Variants in NT5DC1 observed in about 807,000 individuals in gnomAD.
NT5DC1 encodes the protein 5'-nucleotidase domain-containing protein 1.
Under a neutral mutation model 59.4 loss-of-function variants are expected in NT5DC1, and 42 were observed. That is an observed-to-expected ratio of 0.71 (90% CI 0.55 to 0.92). The LOEUF (loss-of-function observed/expected upper bound fraction) is 0.92, where lower values mean the gene tolerates loss of function less well. NT5DC1 is among the 40% of genes least tolerant of loss of function. The pLI, the probability that NT5DC1 is intolerant of heterozygous loss-of-function variation, is 0.00. For synonymous variants in NT5DC1, 172 were observed against 188.1 expected (o/e 0.91, Z 0.70); for missense variants, 501 against 537.1 (o/e 0.93, Z 0.66).
intron 6 of NT5DC1, chr6:116,120,534 C>T (rs767597666): frequency 1.2e-6 from 2 of 1,613,980 alleles, no homozygotes; most frequent in Non-Finnish European, 1.7e-6. Flanking sequence ...CTTTGGCCTG[C>T]CTTTATAAAA....
intron 6 of NT5DC1, among the ~76,000 whole-genome samples, chr6:116,162,658 C>G (rs1780362482): frequency 6.6e-6 from 1 of 152,080 alleles, no homozygotes; most frequent in Non-Finnish European, 1.5e-5. Context: ...TTTTGATGTG[C>G]TGTTGGATTC....
Position 116,238,280 on chromosome 6 carries a change from G to A in NT5DC1, c.1015G>A (p.Gly339Arg), listed in dbSNP as rs1253697804. Residue 339 changes from glycine to arginine, a missense_variant, in exon 10 of 12, where the codon GGG becomes AGG. Physicochemically the swap from Gly to Arg is moderately radical, Grantham distance 125. Transcript: ENST00000319550. Reference sequence around the variant, plus strand: ...AGTCCTCATCCTGGAAGAACTCAGAGGGGATGAAGGCACGAGGAGTCAGAG... The same window carrying A: ...AGTCCTCATCCTGGAAGAACTCAGAAGGGATGAAGGCACGAGGAGTCAGAG... ...ETVLILEELR[G>R]DEGTRSQRPE... 21 of 1,613,440 alleles carry A rather than the reference G, an allele frequency of 1.3e-5. No individual in the cohort carries two copies. The highest frequency in any genetic ancestry group is 1.6e-5 in the Non-Finnish European group (19 of 1,179,558).
At chr6:116,144,683 T>C (rs2114376643) in intron 6 of NT5DC1, among the ~76,000 whole-genome samples, 1 of 152,322 alleles carries the variant, frequency 6.6e-6, no homozygotes, top group East Asian at 1.9e-4. Flanking sequence ...CACACCAGAC[T>C]TTGGGACAAC....
At chr6:116,221,306 T>A (rs1241537059) in intron 7 of NT5DC1, 78 bp downstream of exon 7, 1 of 851,166 alleles carries the variant, frequency 1.2e-6, no homozygotes, top group Admixed American at 2.2e-5. Flanking sequence ...TTTAAAAGTG[T>A]CAGCCATGAC....
intron 6 of NT5DC1, among the ~76,000 whole-genome samples, chr6:116,207,441 C>CATATATATA (rs1781480601): frequency 6.6e-6 from 1 of 151,738 alleles, no homozygotes; most frequent in South Asian, 2.1e-4. Flanking sequence ...TAGGTAAAGA[C>CATATATATA]TAAGTTTATA....
At chr6:116,113,757 A>C (rs545917141) in intron 4 of NT5DC1, among the ~76,000 whole-genome samples, 3 of 152,268 alleles carry the variant, frequency 2.0e-5, no homozygotes, top group African/African-American at 7.2e-5. Context: ...CAATAGTTCA[A>C]CTCTTAGACT....
rs754588076 is a variant in NT5DC1, at chr6:116,120,699, C to G, written c.529+2754C>G. 2.6e-6 allele frequency: 4 copies of G among 1,553,906 alleles called. No homozygotes were observed. The highest frequency in any genetic ancestry group is 1.7e-6 in the Non-Finnish European group (2 of 1,156,668). ...GCTATGCCAGCTGGGCCAGGAGGACCGGGACTTCCTGGATCCCCTTTAGAC... is the reference window on the plus strand; with the variant it reads ...GCTATGCCAGCTGGGCCAGGAGGACGGGGACTTCCTGGATCCCCTTTAGAC... On this transcript the variant is annotated intron_variant, in intron 6 of 11. Coordinates refer to ENST00000319550, the MANE Select transcript of NT5DC1 (RefSeq NM_152729.3).
chr6:116,142,250 A>G (rs1048429064), intron 6 of NT5DC1, among the ~76,000 whole-genome samples: 6 of 152,034 alleles, frequency 3.9e-5, no homozygotes, highest in Non-Finnish European at 5.9e-5. Flanking sequence ...AAAAGACAAA[A>G]CACCATAAAC....
At position 116,106,351 on chromosome 6, in the gene NT5DC1, T is replaced by C; in HGVS notation, c.185+16T>C. 1 of 1,188,372 alleles carries C rather than the reference T, an allele frequency of 8.4e-7. No individual in the cohort carries two copies. The highest frequency in any genetic ancestry group is 1.2e-6 in the Non-Finnish European group (1 of 805,808). 73.6% of individuals were successfully genotyped at this position (1,188,372 alleles called of 1,614,324 possible). A position where few individuals can be genotyped will look rare whatever the true frequency, so the allele number is the denominator to read the frequency against. ...GGGATTTCTGGTAAGTTCTTTTTTT[T>C]TTTTTTTTTTTAAGTCTGTACATTT... On this transcript the variant is annotated intron_variant, in intron 2 of 11. Coordinates refer to ENST00000319550, the MANE Select transcript of NT5DC1 (RefSeq NM_152729.3).
chr6:116,227,266 C>T (rs911183892), intron 8 of NT5DC1, among the ~76,000 whole-genome samples: 7 of 152,056 alleles, frequency 4.6e-5, no homozygotes, highest in African/African-American at 1.4e-4. Flanking sequence ...AACATTGTGT[C>T]CTCCAGGTTC....
chr6:116,204,113 A>G (rs537748102), intron 6 of NT5DC1, among the ~76,000 whole-genome samples: 150 of 152,008 alleles, frequency 9.9e-4, no homozygotes, highest in Middle Eastern at 3.4e-3. Flanking sequence ...CACCTGGGTA[A>G]GGGAGAGGAC....
chr6:116,155,078 G>C (rs1213609680), intron 6 of NT5DC1, among the ~76,000 whole-genome samples: 1 of 152,114 alleles, frequency 6.6e-6, no homozygotes, highest in African/African-American at 2.4e-5. Flanking sequence ...TATTAGGCTG[G>C]TGCAAAAGTA....
chr6:116,110,142 G>A (rs1039482244), intron 3 of NT5DC1, among the ~76,000 whole-genome samples: 1 of 152,178 alleles, frequency 6.6e-6, no homozygotes, highest in African/African-American at 2.4e-5. Context: ...TTCAACCCAG[G>A]TTGACCACAG....
intron 6 of NT5DC1, among the ~76,000 whole-genome samples, chr6:116,163,141 A>AAAAAATATATATATATATAT (rs761718922): frequency 2.3e-5 from 2 of 88,406 alleles, no homozygotes; most frequent in African/African-American, 1.2e-4. Context: ...AAAAAAAAAA[A>AAAAAATATATATATATATAT]ATATATATAT....
rs1304322239 is a variant in NT5DC1, at chr6:116,120,644, G to A, written c.529+2699G>A. The A allele has an allele frequency of 3.9e-6, 6 of 1,548,540 alleles. 1 individual carries two copies. The South Asian group carries it at 5.1e-5, about 13-fold the overall frequency. On this transcript the variant is annotated intron_variant, in intron 6 of 11. Coordinates refer to ENST00000319550, the MANE Select transcript of NT5DC1 (RefSeq NM_152729.3). The stretch of plus-strand genomic sequence containing the variant: ...GCCTCTTGGACCTGGAGGCCCTGGT[G>A]GCCCGGTGGGTCCATTGAGGCCCTT...
At chr6:116,166,627 C>G (rs894285272) in intron 6 of NT5DC1, among the ~76,000 whole-genome samples, 4 of 152,160 alleles carry the variant, frequency 2.6e-5, no homozygotes, top group African/African-American at 9.7e-5. Flanking sequence ...CTGCTGACAT[C>G]CTTTTCTACA....
chr6:116,139,088 T>C (rs1436423422), intron 6 of NT5DC1, among the ~76,000 whole-genome samples: 3 of 152,154 alleles, frequency 2.0e-5, no homozygotes, highest in African/African-American at 7.2e-5. Flanking sequence ...TGTATTCTTA[T>C]GATTTATAGC....
At chr6:116,227,629 T>C (rs371537580) in intron 8 of NT5DC1, among the ~76,000 whole-genome samples, 9 of 152,068 alleles carry the variant, frequency 5.9e-5, no homozygotes, top group South Asian at 4.2e-4. Flanking sequence ...TTAACACTTA[T>C]CTTTTGTCTT....
chr6:116,209,002 A>G (rs1006146564), intron 6 of NT5DC1, among the ~76,000 whole-genome samples: 2 of 152,020 alleles, frequency 1.3e-5, no homozygotes, highest in East Asian at 1.9e-4. Flanking sequence ...ATCACAAATC[A>G]TTTTGTAATA....
Sources: allele counts gnomAD v4.1 joint callset (sites outside exome capture counted in the v4.1 genomes callset), GRCh38; gene constraint gnomAD v4.1.1; transcripts MANE v1.5; gene names NCBI Gene and HGNC (gene_info 2026-07-23, HGNC 2026-07-21).